Variants in DST observed in about 807,000 individuals in gnomAD.
DST encodes dystonin.
In DST, 253 loss-of-function variants were observed where a neutral mutation model predicts 875.2. The ratio of observed to expected loss-of-function variants is 0.29; its 90% CI spans 0.26 to 0.32. DST has a LOEUF of 0.32. Among genes scored for constraint, DST ranks in the 10% least tolerant of loss-of-function variants. The pLI is 1.00. For synonymous variants in DST, 3,124 were observed against 3,197.1 expected (o/e 0.98, Z 0.77); for missense variants, 8,287 against 9,111.6 (o/e 0.91, Z 3.68).
chr6:56,603,983 C>G lies in DST; in HGVS notation c.10645G>C (p.Glu3549Gln). 1.9e-6 allele frequency: 3 copies of G among 1,609,242 alleles called. No homozygotes were observed. The highest frequency in any genetic ancestry group is 2.5e-6 in the Non-Finnish European group (3 of 1,177,374). The change falls in exon 40 of 104, where the codon GAA becomes CAA. Residue 3549 changes from glutamate (E) to glutamine (Q), a missense_variant. Glu to Gln is a conservative substitution (Grantham distance 29). Transcript: ENST00000680361. Reference sequence around the variant, plus strand: ...ACAGTAGAGCTTTCTAGTCCAATTTCTTTTACAGTTTCTAAATTAGGAGAA... The same window carrying G: ...ACAGTAGAGCTTTCTAGTCCAATTTGTTTTACAGTTTCTAAATTAGGAGAA... Reference protein sequence around the residue: ...YYSPNLETVKEIGLESSTVWA... With the variant: ...YYSPNLETVKQIGLESSTVWA...
intron 2 of DST, among the ~76,000 whole-genome samples, chr6:56,937,908 T>G (rs1484503504): frequency 1.3e-5 from 2 of 152,154 alleles, no homozygotes; most frequent in Non-Finnish European, 2.9e-5. Flanking sequence ...TGTGAAAGAC[T>G]ACATATTATA....
At chr6:56,658,599 C>G (rs2099022659) in intron 10 of DST, among the ~76,000 whole-genome samples, 1 of 152,286 alleles carries the variant, frequency 6.6e-6, no homozygotes, top group Non-Finnish European at 1.5e-5. Flanking sequence ...TATCTATCAG[C>G]ATAAAAACAA....
Position 56,562,079 on chromosome 6 carries a change from C to T in DST, c.14068+59G>A, listed in dbSNP as rs1041436926. On this transcript the variant is annotated intron_variant, in intron 56 of 103. Coordinates refer to ENST00000680361, the MANE Select transcript of DST (RefSeq NM_001374736.1). ...AACTACTGTTTGCCTCTAAGATTTT[C>T]TCTTATTAAAAAAACATCAAATTAC... 6 of 1,130,976 alleles carry T rather than the reference C, an allele frequency of 5.3e-6. No individual in the cohort carries two copies. The African/African-American group carries it at 9.5e-5, about 18-fold the overall frequency. 70.1% of individuals were successfully genotyped at this position (1,130,976 alleles called of 1,614,324 possible).
intron 4 of DST, among the ~76,000 whole-genome samples, chr6:56,745,258 A>G (rs1206848379): frequency 2.0e-5 from 3 of 152,196 alleles, no homozygotes; most frequent in South Asian, 4.1e-4. Context: ...AGTCCCACAT[A>G]CATAAAGCCT....
chr6:56,938,603 G>A (rs947724819), intron 2 of DST, among the ~76,000 whole-genome samples: 3 of 152,132 alleles, frequency 2.0e-5, no homozygotes, highest in African/African-American at 7.2e-5. Flanking sequence ...ATTACCTACG[G>A]TAGATTGCAA....
At chr6:56,944,364 A>C (rs1219238277) in intron 2 of DST, among the ~76,000 whole-genome samples, 4 of 152,126 alleles carry the variant, frequency 2.6e-5, no homozygotes, top group Non-Finnish European at 5.9e-5. Flanking sequence ...ACAAAAAAAA[A>C]ACACTAAATT....
chr6:56,472,106 A>G lies in DST; in HGVS notation c.22111T>C (p.Leu7371=). The change falls in exon 94 of 104, where the codon TTG becomes CTG. Residue 7371 remains leucine, a synonymous_variant. Transcript: ENST00000680361. ...TCATTGAGTTTCCTCCTTCTTTCCA[A>G]CGCCAGGAGCCAGACTTGCTGCCAT... ...SKWQQVWLLA[L]ERRRKLNDAL... 2 of 1,613,886 alleles carry G rather than the reference A, an allele frequency of 1.2e-6. No individual in the cohort carries two copies. The highest frequency in any genetic ancestry group is 1.7e-6 in the Non-Finnish European group (2 of 1,179,856).
chr6:56,504,183 C>T, intron 77 of DST, 85 bp from the exon 78 acceptor site: 1 of 805,872 alleles, frequency 1.2e-6, no homozygotes. Flanking sequence ...AAAATACAAT[C>T]ATAAATCTAA....
intron 45 of DST, among the ~76,000 whole-genome samples, chr6:56,599,054 A>C: frequency 6.6e-6 from 1 of 152,112 alleles, no homozygotes; most frequent in East Asian, 1.9e-4. Context: ...AATATATGCT[A>C]ATATTTATTG....
intron 13 of DST, among the ~76,000 whole-genome samples, chr6:56,647,188 A>G (rs572161734): frequency 9.2e-5 from 14 of 152,216 alleles, no homozygotes; most frequent in Non-Finnish European, 1.6e-4. Context: ...TTGAAATCAG[A>G]ATGCAATGTT....
intron 10 of DST, among the ~76,000 whole-genome samples, chr6:56,657,189 T>C (rs142269492): frequency 2.9e-3 from 448 of 152,254 alleles, no homozygotes; most frequent in Non-Finnish European, 4.5e-3. Context: ...ATCAGGCAAT[T>C]ATATAACGAC....
chr6:56,882,115 G>A (rs1234703654), intron 3 of DST, among the ~76,000 whole-genome samples: 3 of 152,190 alleles, frequency 2.0e-5, no homozygotes, highest in Non-Finnish European at 2.9e-5. Context: ...AGGAGAAAAG[G>A]CTCAAAGCAA....
chr6:56,618,250 C>G, intron 36 of DST: 1 of 1,614,068 alleles, frequency 6.2e-7, no homozygotes, highest in Non-Finnish European at 8.5e-7. Flanking sequence ...GTTCAACAAC[C>G]CGATGCTGCC....
At chr6:56,648,125 T>C (rs2098954423) in intron 13 of DST, among the ~76,000 whole-genome samples, 1 of 152,226 alleles carries the variant, frequency 6.6e-6, no homozygotes, top group African/African-American at 2.4e-5. Flanking sequence ...GGTGAAATAC[T>C]GTGTACCTCT....
At chr6:56,460,913 A>G (rs1379445483) in intron 102 of DST, 1 of 152,174 alleles carries the variant, frequency 6.6e-6, no homozygotes, top group African/African-American at 2.4e-5. Context: ...TCTTTATATG[A>G]GTTTGTAGAG....
At chr6:56,675,522 A>G (rs1240965113) in intron 9 of DST, among the ~76,000 whole-genome samples, 1 of 152,238 alleles carries the variant, frequency 6.6e-6, no homozygotes, top group Non-Finnish European at 1.5e-5. Flanking sequence ...GTTAATATCC[A>G]AAATATATAA....
chr6:56,482,662 T>C, intron 89 of DST, 21 bp downstream of exon 89: 1 of 1,602,410 alleles, frequency 6.2e-7, no homozygotes, highest in Non-Finnish European at 8.5e-7. Flanking sequence ...TACACCCAGC[T>C]CTCATTTACA....
In DST at chr6:56,552,572, C is replaced by T. The variant is rs776736048; in HGVS notation, c.16220G>A (p.Ser5407Asn). 5.0e-6 allele frequency: 8 copies of T among 1,613,906 alleles called. No homozygotes were observed. In the East Asian group the frequency reaches 1.3e-4, roughly 27 times the overall value. Residue 5407 changes from serine to asparagine, a missense_variant, in exon 61 of 104, where the codon AGC becomes AAC. Physicochemically the swap from Ser to Asn is conservative, Grantham distance 46. Transcript: ENST00000680361. ...TGCATCTCTCCCCACTGGAGCCATGCTATCCAGTTCATCATCAAACTCTGC... is the reference window on the plus strand; with the variant it reads ...TGCATCTCTCCCCACTGGAGCCATGTTATCCAGTTCATCATCAAACTCTGC... ...QFAEFDDELD[S>N]MAPVGRDAET...
At position 56,670,789 on chromosome 6, in the gene DST, T is replaced by A; in HGVS notation, c.1066A>T (p.Thr356Ser). The stretch of plus-strand genomic sequence containing the variant: ...GCAGACATATCCTCTGACTCTCCAG[T>A]AACATGGATATCAGATATCTAGATA... ...LHFQISDIHV[T>S]GESEDMSAKE... is the part of the protein sequence containing the mutation. The change falls in exon 10 of 104, where the codon ACT becomes TCT. Residue 356 changes from threonine to serine, a missense_variant. Around this residue, in one of 10 missense-constraint regions of DST, gnomAD observed 1,160 missense variants for 1,424.3 expected, o/e 0.81. Coordinates refer to ENST00000680361, the MANE Select transcript of DST (RefSeq NM_001374736.1). 1 of 1,596,534 alleles carries A rather than the reference T, an allele frequency of 6.3e-7. No homozygotes were observed. Among genetic ancestry groups the A allele is most frequent in the Non-Finnish European group, 8.5e-7 (1 of 1,172,118 alleles).
Sources: gnomAD v4.1 joint callset for allele counts (sites outside exome capture counted in the v4.1 genomes callset) on GRCh38, gnomAD v4.1.1 for gene constraint, gnomAD v4.1.1 regional missense constraint, MANE v1.5 for transcripts, NCBI Gene and HGNC (gene_info 2026-07-23, HGNC 2026-07-21) for gene names.